Variants in SRGAP2 observed in about 807,000 individuals in gnomAD.
SRGAP2 encodes the protein SLIT-ROBO Rho GTPase-activating protein 2.
In SRGAP2, 15 loss-of-function variants were observed where a neutral mutation model predicts 57.2. The ratio of observed to expected loss-of-function variants is 0.26; its 90% confidence interval spans 0.18 to 0.40. The LOEUF (loss-of-function observed/expected upper bound fraction) is 0.40, where lower values mean the gene tolerates loss of function less well. Ranked by LOEUF, SRGAP2 falls within the 10% of genes least tolerant of loss-of-function variation. SRGAP2 has a pLI of 1.00. For synonymous variants in SRGAP2, 249 were observed against 248.0 expected, an observed-to-expected ratio of 1.00 and a Z score of -0.04; for missense variants, 520 against 669.6, an observed-to-expected ratio of 0.78 and a Z score of 2.47.
intron 3 of SRGAP2, among the ~76,000 whole-genome samples, chr1:206,322,702 CA>C (rs1358913339): frequency 2.7e-5 from 4 of 145,598 alleles, no homozygotes; most frequent in Non-Finnish European, 5.9e-5. Context: ...ACACAATGTT[CA>C]AAAGTTAGCT....
intron 2 of SRGAP2, among the ~76,000 whole-genome samples, chr1:206,215,342 CTG>C (rs1231605919): frequency 6.8e-6 from 1 of 148,044 alleles, no homozygotes; most frequent in Non-Finnish European, 1.5e-5. Context: ...CACTTATTGT[CTG>C]TAGTACTGAA....
At chr1:206,415,496 C>T (rs925771437) in intron 10 of SRGAP2, among the ~76,000 whole-genome samples, 1 of 152,080 alleles carries the variant, frequency 6.6e-6, no homozygotes, top group Non-Finnish European at 1.5e-5. Context: ...CCCCCCTCCT[C>T]CCACCGAGGG....
At chr1:206,404,965 T>TG (rs1658569416) in intron 8 of SRGAP2, 1 of 119,770 alleles carries the variant, frequency 8.3e-6, no homozygotes, top group Admixed American at 8.6e-5. Context: ...GAGCCGGAGC[T>TG]GCCTGAGGCA....
chr1:206,210,907 A>C (rs1302009021), intron 2 of SRGAP2, among the ~76,000 whole-genome samples: 1 of 152,012 alleles, frequency 6.6e-6, no homozygotes, highest in Non-Finnish European at 1.5e-5. Context: ...ACAACAACAA[A>C]AAAAGCTACT....
At chr1:206,310,424 G>T (rs75662854) in intron 3 of SRGAP2, among the ~76,000 whole-genome samples, 2 of 152,032 alleles carry the variant, frequency 1.3e-5, no homozygotes, top group African/African-American at 2.4e-5. Context: ...TGTGAAATTC[G>T]AAATTATCCC....
intron 2 of SRGAP2, among the ~76,000 whole-genome samples, chr1:206,302,286 T>C (rs1671915985): frequency 3.3e-5 from 5 of 150,528 alleles, no homozygotes; most frequent in Admixed American, 2.6e-4. Context: ...AGTCTGGCTT[T>C]GGCATACTGC....
chr1:206,445,355 A>C (rs1553373369), intron 17 of SRGAP2, among the ~76,000 whole-genome samples: 1 of 152,190 alleles, frequency 6.6e-6, no homozygotes, highest in African/African-American at 2.4e-5. Flanking sequence ...AGAATAAATA[A>C]ATACCCGAGA....
chr1:206,311,297 G>A (rs574146338), intron 3 of SRGAP2, among the ~76,000 whole-genome samples: 1 of 152,078 alleles, frequency 6.6e-6, no homozygotes, highest in Non-Finnish European at 1.5e-5. Context: ...AAGGACAAGT[G>A]TAGGAAAGAC....
intron 2 of SRGAP2, among the ~76,000 whole-genome samples, chr1:206,289,626 A>G (rs1362920275): frequency 1.6e-4 from 23 of 146,274 alleles, no homozygotes; most frequent in Admixed American, 1.5e-3. Flanking sequence ...AAACTTAACC[A>G]CTAATAAGTT....
intron 19 of SRGAP2, among the ~76,000 whole-genome samples, chr1:206,452,353 C>T (rs1663391850): frequency 6.6e-6 from 1 of 152,014 alleles, no homozygotes; most frequent in Non-Finnish European, 1.5e-5. Flanking sequence ...GTTGATTGAG[C>T]AAGTTATTTT....
At chr1:206,270,843 T>C (rs1357678382) in intron 2 of SRGAP2, among the ~76,000 whole-genome samples, 1 of 27,056 alleles carries the variant, frequency 3.7e-5, no homozygotes, top group Non-Finnish European at 7.6e-5. Flanking sequence ...TATAGACCTT[T>C]GGGGAAGGGT....
At chr1:206,211,194 GA>G (rs1666292605) in intron 2 of SRGAP2, among the ~76,000 whole-genome samples, 1 of 122,674 alleles carries the variant, frequency 8.2e-6, no homozygotes, top group Admixed American at 8.7e-5. Context: ...CATGCAGGTT[GA>G]AAACTTAGAC....
intron 2 of SRGAP2, among the ~76,000 whole-genome samples, chr1:206,234,644 T>C (rs1411752930): frequency 6.6e-6 from 1 of 152,202 alleles, no homozygotes; most frequent in Non-Finnish European, 1.5e-5. Context: ...TCCAGTATTC[T>C]TCGGGAGACA....
chr1:206,306,378 A>C (rs1349209626), intron 3 of SRGAP2, among the ~76,000 whole-genome samples: 5 of 151,478 alleles, frequency 3.3e-5, no homozygotes, highest in African/African-American at 1.2e-4. Context: ...GCGCGTCTGG[A>C]GTTGTTCGTT....
chr1:206,225,439 G>A (rs1402221310), intron 2 of SRGAP2, among the ~76,000 whole-genome samples: 1 of 151,108 alleles, frequency 6.6e-6, no homozygotes. Flanking sequence ...CAGGGAGAAC[G>A]ATGGTGGCAA....
In SRGAP2 at chr1:206,458,792, T is replaced by C. The variant is rs782029118; in HGVS notation, c.2677T>C (p.Cys893Arg). ...QSLPKEGPDK[C>R]SISGHGSLNS... ...CCTCCCCAAAGAAGGGCCAGATAAG[T>C]GTTCCATCAGTGGGCACGGGAGCCT... Residue 893 changes from cysteine (C) to arginine (R), a missense_variant, in exon 22 of 23, where the codon TGT (cysteine) becomes CGT (arginine). This residue lies in a region of SRGAP2 where 478 missense variants were observed against 373.6 expected (regional missense o/e 1.28). Transcript: ENST00000573034. 2 of 780,668 alleles carry C rather than the reference T, an allele frequency of 2.6e-6. No homozygotes were observed. Among genetic ancestry groups the C allele is most frequent in the African/African-American group, 1.7e-5 (1 of 59,122 alleles). The allele number at this position is 780,668 out of a possible 1,614,324, so 48.4% of individuals were successfully genotyped here.
intron 2 of SRGAP2, among the ~76,000 whole-genome samples, chr1:206,239,271 G>A (rs547030485): frequency 0.023 from 3,416 of 147,174 alleles, 131 homozygotes; most frequent in African/African-American, 0.081. Context: ...TTCTTTGCAA[G>A]GTTAATTCTG....
At chr1:206,452,135 C>A (rs183934477) in intron 19 of SRGAP2, among the ~76,000 whole-genome samples, 28 of 152,326 alleles carry the variant, frequency 1.8e-4, no homozygotes, top group Middle Eastern at 3.4e-3. Context: ...AGCACTTTTA[C>A]AAATTGTAAT....
At position 206,463,675 on chromosome 1, in the gene SRGAP2, G is replaced by C. The variant is rs1325663112; in HGVS notation, c.*2255G>C. ...ATTTGCATCATGAACTGAACAGTGT[G>C]TGAGTGGTCACCTACTAAACCCAGC... On this transcript the variant is annotated 3_prime_UTR_variant, in exon 23 of 23. Coordinates refer to ENST00000573034, the MANE Select transcript of SRGAP2 (RefSeq NM_015326.5). 2 of 152,762 alleles carry C rather than the reference G, an allele frequency of 1.3e-5. No individual in the cohort carries two copies. The highest frequency in any genetic ancestry group is 4.8e-5 in the African/African-American group (2 of 41,566). The allele number at this position is 152,762 out of a possible 1,614,324, so 9.5% of individuals were successfully genotyped here. A position where few individuals can be genotyped will look rare whatever the true frequency, so the allele number is the denominator to read the frequency against.
Sources: gnomAD v4.1 joint callset for allele counts (sites outside exome capture counted in the v4.1 genomes callset) on GRCh38, gnomAD v4.1.1 for gene constraint, gnomAD v4.1.1 regional missense constraint, MANE v1.5 for transcripts, NCBI Gene and HGNC (gene_info 2026-07-23, HGNC 2026-07-21) for gene names.